Variants in RPUSD2 observed in about 807,000 individuals in gnomAD.
RPUSD2 encodes the protein RNA pseudouridine synthase domain containing 2.
In RPUSD2, 31 loss-of-function variants were observed where a neutral mutation model predicts 41.5. That is an observed-to-expected ratio of 0.75 (90% CI 0.56 to 1.01). The LOEUF is 1.01. Among genes scored for constraint, RPUSD2 ranks in the 50% least tolerant of loss-of-function variants. RPUSD2 has a pLI of 0.00. For synonymous variants in RPUSD2, 305 were observed against 289.7 expected, an observed-to-expected ratio of 1.05 and a Z score of -0.54; for missense variants, 749 against 724.7, an observed-to-expected ratio of 1.03 and a Z score of -0.38.
chr15:40,574,782 T>C lies in RPUSD2; in HGVS notation c.*521T>C, dbSNP rs1246290682. On this transcript the variant is annotated 3_prime_UTR_variant, in exon 3 of 3. Transcript: ENST00000315616. Reference sequence around the variant, plus strand: ...TTGTACAACCATAACCTCATATATTTCCAAAACATTTTCATCACCCCAAAA... The same window carrying C: ...TTGTACAACCATAACCTCATATATTCCCAAAACATTTTCATCACCCCAAAA... 6.6e-6 allele frequency: 1 copy of C among 152,298 alleles called. No homozygotes were observed. The highest frequency in any genetic ancestry group is 1.5e-5 in the Non-Finnish European group (1 of 68,152). The allele number at this position is 152,298 out of a possible 1,614,324, so 9.4% of individuals were successfully genotyped here.
At chr15:40,570,995 T>A (rs751388461) in intron 1 of RPUSD2, among the ~76,000 whole-genome samples, 2,042 of 150,196 alleles carry the variant, frequency 0.014, 51 homozygotes, top group African/African-American at 0.048. Flanking sequence ...CTTGATTATT[T>A]ATTTTTTTTT....
chr15:40,571,381 C>T (rs565681415), intron 1 of RPUSD2, among the ~76,000 whole-genome samples: 1 of 152,200 alleles, frequency 6.6e-6, no homozygotes, highest in Non-Finnish European at 1.5e-5. Context: ...ACACAGTTAA[C>T]ATTTTTGCAT....
chr15:40,573,761 G>C lies in RPUSD2; in HGVS notation c.1138G>C (p.Gly380Arg). ...HQIRVHLQFL[G>R]HPILNDPIYN... ...GATTCGAGTCCACCTTCAGTTCTTG[G>C]GCCATCCCATTCTCAACGACCCCAT... Residue 380 changes from glycine (G) to arginine (R), a missense_variant, in exon 3 of 3, where the codon GGC (glycine) becomes CGC (arginine). Coordinates refer to ENST00000315616, the MANE Select transcript of RPUSD2 (RefSeq NM_152260.3). 2 of 1,614,178 alleles carry C rather than the reference G, an allele frequency of 1.2e-6. No individual in the cohort carries two copies. The highest frequency in any genetic ancestry group is 1.7e-6 in the Non-Finnish European group (2 of 1,180,036).
rs1202159100 is a variant in RPUSD2, at chr15:40,569,675, C to G, written c.338C>G (p.Pro113Arg). The change falls in exon 1 of 3, where the codon CCC becomes CGC. Residue 113 changes from proline to arginine, a missense_variant. Transcript: ENST00000315616. ...RGATRERVVP[P>R]PKKRRTGVSF... The stretch of plus-strand genomic sequence containing the variant: ...GCAACCAGGGAGCGTGTCGTGCCGC[C>G]CCCGAAGAAGCGGCGGACCGGGGTG... The G allele has an allele frequency of 6.4e-7, 1 of 1,558,100 alleles. No individual in the cohort carries two copies. Among genetic ancestry groups the G allele is most frequent in the East Asian group, 2.3e-5 (1 of 42,758 alleles).
Position 40,574,296 on chromosome 15 carries a change from G to A in RPUSD2, c.*35G>A. 1 of 1,585,484 alleles carries A rather than the reference G, an allele frequency of 6.3e-7. No homozygotes were observed. The highest frequency in any genetic ancestry group is 1.2e-5 in the South Asian group (1 of 86,242). ...CAATGGAGGGATTGCTTCTTGGGTTGTGACAAGGATGGGCTATAGGGCAAG... is the reference window on the plus strand; with the variant it reads ...CAATGGAGGGATTGCTTCTTGGGTTATGACAAGGATGGGCTATAGGGCAAG... On this transcript the variant is annotated 3_prime_UTR_variant, in exon 3 of 3. Coordinates refer to ENST00000315616, the MANE Select transcript of RPUSD2 (RefSeq NM_152260.3).
rs1891201477 is a variant in RPUSD2, at chr15:40,573,983, C to T, written c.1360C>T (p.Leu454=). 1 of 1,614,098 alleles carries T rather than the reference C, an allele frequency of 6.2e-7. No individual in the cohort carries two copies. The highest frequency in any genetic ancestry group is 8.5e-7 in the Non-Finnish European group (1 of 1,180,016). The change falls in exon 3 of 3, where the codon CTG becomes TTG. Residue 454 remains leucine, a synonymous_variant. Coordinates refer to ENST00000315616, the MANE Select transcript of RPUSD2 (RefSeq NM_152260.3). The stretch of plus-strand genomic sequence containing the variant: ...CTCCTCAGAGTTGGGCAAGGACGAC[C>T]TGGAAGAGTTGGCTGCAGCTGCCCA... ...APSSELGKDD[L]EELAAAAQKM...
Position 40,569,428 on chromosome 15 carries a change from G to C in RPUSD2, c.91G>C (p.Asp31His). The change falls in exon 1 of 3, where the codon GAT becomes CAT. Residue 31 changes from aspartate (D) to histidine (H), a missense_variant. Asp to His is a moderately conservative substitution (Grantham distance 81, BLOSUM62 -1). Coordinates refer to ENST00000315616, the MANE Select transcript of RPUSD2 (RefSeq NM_152260.3). ...TAGCTTTACCAGGACTTGGAGTGGC[G>C]ATAAGGGCCCAATGGCAGAAACAGT... is the stretch of plus-strand genomic sequence containing the variant. ...RPSFTRTWSGDKGPMAETVST... is the reference protein window; with the variant it reads ...RPSFTRTWSGHKGPMAETVST... The C allele has an allele frequency of 1.9e-6, 3 of 1,558,868 alleles. No homozygotes were observed. Among genetic ancestry groups the C allele is most frequent in the Non-Finnish European group, 2.6e-6 (3 of 1,158,044 alleles).
chr15:40,574,790 A>G lies in RPUSD2; in HGVS notation c.*529A>G, dbSNP rs1891219722. ...CCATAACCTCATATATTTCCAAAAC[A>G]TTTTCATCACCCCAAAAGGAAACCT... On this transcript the variant is annotated 3_prime_UTR_variant, in exon 3 of 3. Transcript: ENST00000315616. 1.3e-5 allele frequency: 2 copies of G among 152,206 alleles called. No homozygotes were observed. Among genetic ancestry groups the G allele is most frequent in the African/African-American group, 4.8e-5 (2 of 41,410 alleles). 9.4% of individuals were successfully genotyped at this position (152,206 alleles called of 1,614,324 possible).
chr15:40,574,859 G>T lies in RPUSD2; in HGVS notation c.*598G>T. On this transcript the variant is annotated 3_prime_UTR_variant, in exon 3 of 3. Transcript: ENST00000315616. ...GTCACTTTCCACTCCCCTTCCACCA[G>T]CCTCTGGCAACCACTAATCTACTTT... is the stretch of plus-strand genomic sequence containing the variant. 6.6e-6 allele frequency: 1 copy of T among 152,242 alleles called. No homozygotes were observed. Among genetic ancestry groups the T allele is most frequent in the Non-Finnish European group, 1.5e-5 (1 of 68,028 alleles). The allele number at this position is 152,242 out of a possible 1,614,324, so 9.4% of individuals were successfully genotyped here.
rs144494122 is a variant in RPUSD2 at position 40,571,718 on chromosome 15, A to G, written c.721A>G (p.Ile241Val). 1.5e-5 allele frequency: 24 copies of G among 1,614,208 alleles called. No homozygotes were observed. In the African/African-American group the frequency reaches 2.3e-4, roughly 15 times the overall value. ...GGTGGTTGTAGACAAGCCTTCCTCC[A>G]TTCCCGTTCACCCCTGTGGCCGCTT... The part of the protein sequence containing the change: ...DVVVVDKPSS[I>V]PVHPCGRFRH... Residue 241 changes from isoleucine to valine, a missense_variant, in exon 2 of 3, where the codon ATT becomes GTT. Ile to Val is a conservative substitution (Grantham distance 29). Transcript: ENST00000315616.
Position 40,574,086 on chromosome 15 carries a change from CAG to C in RPUSD2, c.1465_1466del (p.Asp489CysfsTer35), listed in dbSNP as rs759589620. The C allele has an allele frequency of 1.2e-6, 2 of 1,614,078 alleles. No individual in the cohort carries two copies. The highest frequency in any genetic ancestry group is 1.3e-5 in the African/African-American group (1 of 74,920). ...TTGGCATCAGAGAAGGCAGTTGAAACAGATGTCATGAATCAAGAGACAGACCC... is the reference window on the plus strand; with the variant it reads ...TTGGCATCAGAGAAGGCAGTTGAAACATGTCATGAATCAAGAGACAGACCC... On this transcript the variant is annotated frameshift_variant, in exon 3 of 3. Coordinates refer to ENST00000315616, the MANE Select transcript of RPUSD2 (RefSeq NM_152260.3). LOFTEE classifies it high-confidence loss of function.
In RPUSD2 at chr15:40,571,670, CT is replaced by C. The variant is rs1284164808; in HGVS notation, c.674del (p.Leu225ArgfsTer2). ...EPPVTAEPIR[L>X]LAENEDVVVV... is the part of the protein sequence containing the mutation. ...ACCAGTCACAGCAGAGCCCATTCGC[CT>C]GCTAGCTGAGAACGAAGATGTGGTG... On this transcript the variant is annotated frameshift_variant, in exon 2 of 3. Transcript: ENST00000315616. LOFTEE classifies it high-confidence loss of function. The C allele has an allele frequency of 1.2e-6, 2 of 1,614,138 alleles. No individual in the cohort carries two copies. The highest frequency in any genetic ancestry group is 1.7e-6 in the Non-Finnish European group (2 of 1,180,060).
In RPUSD2 at chr15:40,574,069, A is replaced by G; in HGVS notation, c.1446A>G (p.Ser482=). The G allele has an allele frequency of 6.2e-7, 1 of 1,614,196 alleles. No individual in the cohort carries two copies. ...AGTTGGACACAATAGCCTTGGCATC[A>G]GAGAAGGCAGTTGAAACAGATGTCA... ...PQELDTIALA[S]EKAVETDVMN... is the part of the protein sequence containing the mutation. Residue 482 remains serine (S), a synonymous_variant, in exon 3 of 3, where the codon TCA becomes TCG. Transcript: ENST00000315616.
In RPUSD2 at chr15:40,573,771, T is replaced by C. The variant is rs1354297595; in HGVS notation, c.1148T>C (p.Ile383Thr). Residue 383 changes from isoleucine (I) to threonine (T), a missense_variant, in exon 3 of 3, where the codon ATT (isoleucine) becomes ACT (threonine). Transcript: ENST00000315616. ...RVHLQFLGHP[I>T]LNDPIYNSVA... Reference sequence around the variant, plus strand: ...CACCTTCAGTTCTTGGGCCATCCCATTCTCAACGACCCCATCTACAACTCA... The same window carrying C: ...CACCTTCAGTTCTTGGGCCATCCCACTCTCAACGACCCCATCTACAACTCA... 1 of 1,614,098 alleles carries C rather than the reference T, an allele frequency of 6.2e-7. No homozygotes were observed. Among genetic ancestry groups the C allele is most frequent in the Non-Finnish European group, 8.5e-7 (1 of 1,180,044 alleles).
At chr15:40,571,947 A>G (rs749936807) in intron 2 of RPUSD2, 47 bp downstream of exon 2, 3 of 1,578,792 alleles carry the variant, frequency 1.9e-6, no homozygotes, top group African/African-American at 1.3e-5. Flanking sequence ...GGGCTCACGA[A>G]TGCTCTGTGT....
chr15:40,573,235 G>C (rs1405965054), intron 2 of RPUSD2, among the ~76,000 whole-genome samples: 1 of 152,070 alleles, frequency 6.6e-6, no homozygotes, highest in East Asian at 1.9e-4. Context: ...ATGTTGGTCA[G>C]GCTGGTCTCG....
In RPUSD2 at chr15:40,569,354, G is replaced by A; in HGVS notation, c.17G>A (p.Arg6His). 1 of 1,478,282 alleles carries A rather than the reference G, an allele frequency of 6.8e-7. No individual in the cohort carries two copies. Among genetic ancestry groups the A allele is most frequent in the Non-Finnish European group, 9.0e-7 (1 of 1,115,710 alleles). 91.6% of individuals were successfully genotyped at this position (1,478,282 alleles called of 1,614,324 possible). The change falls in exon 1 of 3, where the codon CGC (arginine) becomes CAC (histidine). Residue 6 changes from arginine to histidine, a missense_variant. Transcript: ENST00000315616. ...AGCGTGGTTATGTGGCTGGACCGCC[G>A]CGGATGGCTCAGGGTTCTTGGACAT... Reference protein sequence around the residue: MWLDRRGWLRVLGHWR... With the variant: MWLDRHGWLRVLGHWR...
intron 2 of RPUSD2, among the ~76,000 whole-genome samples, chr15:40,572,495 G>A: frequency 6.6e-6 from 1 of 151,880 alleles, no homozygotes; most frequent in East Asian, 1.9e-4. Flanking sequence ...GAACCCAAGA[G>A]GTGGAGCTTG....
In RPUSD2 at chr15:40,569,728, A is replaced by C. The variant is rs958966531; in HGVS notation, c.391A>C (p.Thr131Pro). The change falls in exon 1 of 3, where the codon ACC becomes CCC. Residue 131 changes from threonine to proline, a missense_variant. By Grantham distance (38) the Thr-to-Pro change is conservative. Coordinates refer to ENST00000315616, the MANE Select transcript of RPUSD2 (RefSeq NM_152260.3). ...VSFGDEHFAE[T>P]SYYFEGGLRK... ...CTTCGGAGATGAGCACTTTGCAGAA[A>C]CCAGTTATTACTTCGAGGGCGGCCT... 2 of 1,596,438 alleles carry C rather than the reference A, an allele frequency of 1.3e-6. No homozygotes were observed. Among genetic ancestry groups the C allele is most frequent in the Non-Finnish European group, 1.7e-6 (2 of 1,171,458 alleles).
Sources: gnomAD v4.1 joint callset for allele counts (sites outside exome capture counted in the v4.1 genomes callset) on GRCh38, gnomAD v4.1.1 for gene constraint, MANE v1.5 for transcripts, NCBI Gene and HGNC (gene_info 2026-07-23, HGNC 2026-07-21) for gene names.